MANBA: variants seen among roughly 807,000 people sequenced by gnomAD.
The protein encoded by MANBA is mannosidase beta.
A neutral mutation model predicts 111.1 loss-of-function variants in MANBA; 83 were observed. That is an observed-to-expected ratio of 0.75 (90% CI 0.63 to 0.90). MANBA has a LOEUF of 0.90. MANBA is among the 40% of genes least tolerant of loss of function. The pLI is 0.00. For missense variants in MANBA, 1,036 were observed against 1,069.0 expected (o/e 0.97, Z 0.43); for synonymous variants, 370 against 378.7 (o/e 0.98, Z 0.27).
At chr4:102,737,410 G>A (rs955159353) in intron 1 of MANBA, among the ~76,000 whole-genome samples, 1 of 152,152 alleles carries the variant, frequency 6.6e-6, no homozygotes, top group African/African-American at 2.4e-5. Flanking sequence ...GTGCTGTTGG[G>A]GGGGCACAGT....
At chr4:102,665,008 G>C (rs1477073477) in intron 10 of MANBA, 156 bp from the exon 11 acceptor site, 4 of 615,398 alleles carry the variant, frequency 6.5e-6, no homozygotes, top group Non-Finnish European at 1.1e-5. Context: ...TTAGCTGCAG[G>C]AATACATTTT....
At chr4:102,672,657 G>A (rs955703597) in intron 8 of MANBA, among the ~76,000 whole-genome samples, 2 of 152,194 alleles carry the variant, frequency 1.3e-5, no homozygotes, top group Admixed American at 6.5e-5. Flanking sequence ...GGCACAGCAG[G>A]AGGTAAGCAG....
At chr4:102,750,535 T>G (rs1723751234) in intron 1 of MANBA, among the ~76,000 whole-genome samples, 1 of 152,180 alleles carries the variant, frequency 6.6e-6, no homozygotes, top group Non-Finnish European at 1.5e-5. Flanking sequence ...GTGGTTATGT[T>G]GAAGAAAAAG....
At chr4:102,650,754 T>C in intron 12 of MANBA, 53 bp from the exon 13 acceptor site, 3 of 1,461,580 alleles carry the variant, frequency 2.1e-6, no homozygotes, top group Non-Finnish European at 2.9e-6. Flanking sequence ...GTAAAACTAC[T>C]TTTCTATAAG....
chr4:102,716,371 A>C (rs180960053), intron 4 of MANBA, among the ~76,000 whole-genome samples: 1 of 152,120 alleles, frequency 6.6e-6, no homozygotes, highest in Admixed American at 6.5e-5. Context: ...AACACTTATA[A>C]ATAGGTTTTA....
intron 7 of MANBA, among the ~76,000 whole-genome samples, chr4:102,682,439 C>T (rs993137917): frequency 6.6e-6 from 1 of 152,056 alleles, no homozygotes; most frequent in Admixed American, 6.6e-5. Flanking sequence ...ACTGTCTGCA[C>T]CTAGGGCTAA....
intron 4 of MANBA, among the ~76,000 whole-genome samples, chr4:102,720,541 G>A (rs1722523420): frequency 6.6e-6 from 1 of 150,842 alleles, no homozygotes; most frequent in African/African-American, 2.4e-5. Flanking sequence ...GGAGGCAGAG[G>A]TTGCAGTGAG....
At chr4:102,685,168 G>A (rs1279286730) in intron 7 of MANBA, among the ~76,000 whole-genome samples, 3 of 152,124 alleles carry the variant, frequency 2.0e-5, no homozygotes, top group Non-Finnish European at 4.4e-5. Context: ...GGAGGGGAGA[G>A]TTTGAGGTGT....
intron 1 of MANBA, chr4:102,730,036 AGCT>A: frequency 1.2e-6 from 1 of 801,692 alleles, no homozygotes. Context: ...CAACCTTGGA[AGCT>A]GCTGCTGCCC....
At chr4:102,760,631 C>A in intron 1 of MANBA, 87 bp downstream of exon 1, 1 of 1,372,870 alleles carries the variant, frequency 7.3e-7, no homozygotes, top group Non-Finnish European at 9.7e-7. Context: ...TGGCCCAGAG[C>A]TGGGGGCTGC....
At chr4:102,694,667 T>A (rs1037510765) in intron 5 of MANBA, among the ~76,000 whole-genome samples, 5 of 152,070 alleles carry the variant, frequency 3.3e-5, no homozygotes, top group Non-Finnish European at 1.5e-5. Context: ...GATTGCTACA[T>A]CTTCTAGAAT....
intron 1 of MANBA, among the ~76,000 whole-genome samples, chr4:102,747,192 A>T (rs1005225701): frequency 6.7e-6 from 1 of 149,378 alleles, no homozygotes; most frequent in Non-Finnish European, 1.5e-5. Context: ...TTTACTAAGG[A>T]GTATTAACTC....
chr4:102,718,683 A>G (rs17033210), intron 4 of MANBA, among the ~76,000 whole-genome samples: 8,802 of 152,268 alleles, frequency 0.058, 749 homozygotes, highest in African/African-American at 0.19. Flanking sequence ...GTGAAAGAGA[A>G]TATCAGGGGA....
chr4:102,637,152 T>A (rs1436275785), intron 14 of MANBA, among the ~76,000 whole-genome samples: 2 of 152,200 alleles, frequency 1.3e-5, no homozygotes, highest in Non-Finnish European at 2.9e-5. Flanking sequence ...TTAAACCTCT[T>A]TTTCTTTACA....
chr4:102,677,202 C>T (rs1476040671), intron 7 of MANBA, among the ~76,000 whole-genome samples: 2 of 152,126 alleles, frequency 1.3e-5, no homozygotes, highest in Admixed American at 1.3e-4. Context: ...GGATACCTGG[C>T]AGACATTCTC....
intron 11 of MANBA, among the ~76,000 whole-genome samples, chr4:102,658,655 T>C (rs774882005): frequency 3.9e-5 from 6 of 152,210 alleles, no homozygotes; most frequent in Non-Finnish European, 7.3e-5. Flanking sequence ...GAGCCATCCC[T>C]AGGAAGTGGC....
At chr4:102,754,001 TCAA>T (rs1560816707) in intron 1 of MANBA, 5 of 168,618 alleles carry the variant, frequency 3.0e-5, no homozygotes, top group Admixed American at 1.1e-4. Context: ...AGACTCTGTC[TCAA>T]AAAAAAAAAA....
chr4:102,654,776 A>T (rs551035242), intron 12 of MANBA, among the ~76,000 whole-genome samples: 11 of 152,342 alleles, frequency 7.2e-5, no homozygotes, highest in African/African-American at 2.6e-4. Flanking sequence ...AAGAAAAAGA[A>T]CAACTCAAGG....
chr4:102,639,209 AT>A (rs1560740773), intron 14 of MANBA, among the ~76,000 whole-genome samples: 1 of 152,222 alleles, frequency 6.6e-6, no homozygotes. Flanking sequence ...TAAACAGGGC[AT>A]AATAAAGATG....
Sources: allele counts gnomAD v4.1 joint callset (sites outside exome capture counted in the v4.1 genomes callset), GRCh38; gene constraint gnomAD v4.1.1; transcripts MANE v1.5; gene names NCBI Gene and HGNC (gene_info 2026-07-23, HGNC 2026-07-21).